GALNT2: variants seen among roughly 807,000 people sequenced by gnomAD.
The protein encoded by GALNT2 is polypeptide N-acetylgalactosaminyltransferase 2, also known as UDP-GalNAc:polypeptide N-acetylgalactosaminyltransferase 2.
GALNT2 carries 31 observed loss-of-function variants against 81.4 expected under a neutral mutation model. The ratio of observed to expected loss-of-function variants is 0.38; its 90% confidence interval spans 0.29 to 0.51. GALNT2 has a LOEUF of 0.51. Among genes scored for constraint, GALNT2 ranks in the 20% least tolerant of loss-of-function variants. GALNT2 has a pLI of 0.87. For missense variants in GALNT2, 629 were observed against 765.7 expected (o/e 0.82, Z 2.11); for synonymous variants, 303 against 287.4 (o/e 1.05, Z -0.55).
chr1:230,101,932 C>G (rs1304457743), intron 1 of GALNT2, among the ~76,000 whole-genome samples: 1 of 152,210 alleles, frequency 6.6e-6, no homozygotes, highest in African/African-American at 2.4e-5. Context: ...CTTTGCCAGA[C>G]AGAAGCACAA....
At chr1:230,111,541 T>C (rs1030715861) in intron 1 of GALNT2, among the ~76,000 whole-genome samples, 2 of 152,240 alleles carry the variant, frequency 1.3e-5, no homozygotes, top group African/African-American at 4.8e-5. Flanking sequence ...ACCCAAGTAG[T>C]CTTTCTCTTG....
At chr1:230,150,222 C>T (rs1056115793) in intron 1 of GALNT2, among the ~76,000 whole-genome samples, 5 of 152,316 alleles carry the variant, frequency 3.3e-5, no homozygotes, top group Admixed American at 1.3e-4. Flanking sequence ...GCAAAGCTGC[C>T]TACCTCCGTG....
intron 1 of GALNT2, among the ~76,000 whole-genome samples, chr1:230,089,967 A>T (rs1660016163): frequency 6.6e-6 from 1 of 152,206 alleles, no homozygotes; most frequent in Non-Finnish European, 1.5e-5. Flanking sequence ...AGGAACCTCC[A>T]TACTGCTTTC....
At position 230,236,126 on chromosome 1, in the gene GALNT2, A is replaced by G. The variant is rs772982503; in HGVS notation, c.473+14A>G. The G allele has an allele frequency of 1.9e-6, 3 of 1,609,830 alleles. No individual in the cohort carries two copies. Among genetic ancestry groups the G allele is most frequent in the African/African-American group, 2.7e-5 (2 of 74,782 alleles). On this transcript the variant is annotated intron_variant, in intron 4 of 15. Transcript: ENST00000366672. Reference sequence around the variant, plus strand: ...GACCGTGGTCAGGTGAGGCCAGGAGATGCATTACCTGTCAGGGGTGTTAAG... The same window carrying G: ...GACCGTGGTCAGGTGAGGCCAGGAGGTGCATTACCTGTCAGGGGTGTTAAG...
intron 2 of GALNT2, among the ~76,000 whole-genome samples, chr1:230,178,725 C>A (rs920238611): frequency 6.6e-6 from 1 of 152,052 alleles, no homozygotes; most frequent in Non-Finnish European, 1.5e-5. Context: ...TATCCCCCAA[C>A]AGAGTGGTAC....
chr1:230,067,956 C>G (rs1659250611), intron 1 of GALNT2, among the ~76,000 whole-genome samples: 1 of 152,118 alleles, frequency 6.6e-6, no homozygotes. Context: ...GGCGGCCGCT[C>G]CCGTGCCAAG....
intron 1 of GALNT2, among the ~76,000 whole-genome samples, chr1:230,148,764 T>C (rs1219558639): frequency 2.6e-5 from 4 of 151,984 alleles, no homozygotes; most frequent in Non-Finnish European, 5.9e-5. Flanking sequence ...TTTTTGTATT[T>C]TTAGTAGAGA....
intron 1 of GALNT2, among the ~76,000 whole-genome samples, chr1:230,109,437 G>A (rs990609856): frequency 4.9e-4 from 74 of 152,358 alleles, no homozygotes; most frequent in African/African-American, 1.7e-3. Flanking sequence ...TTGGGGGACA[G>A]AGGTCTGTCT....
At chr1:230,141,788 C>CTTTTTTTTTTTTTTTT (rs60824749) in intron 1 of GALNT2, among the ~76,000 whole-genome samples, 1 of 101,326 alleles carries the variant, frequency 9.9e-6, no homozygotes, top group Non-Finnish European at 1.9e-5. Flanking sequence ...TTTTGTTTTC[C>CTTTTTTTTTTTTTTTT]TTTTTTTTTT....
In GALNT2 at chr1:230,243,248, G is replaced by T; in HGVS notation, c.608-58G>T. The T allele has an allele frequency of 2.6e-6, 4 of 1,537,858 alleles. No individual in the cohort carries two copies. The highest frequency in any genetic ancestry group is 3.5e-6 in the Non-Finnish European group (4 of 1,144,568). The stretch of plus-strand genomic sequence containing the variant: ...AGGGAGGCGTCGCCGGTTGGCATGG[G>T]GTTGTGCTGGCCCTGTGGCTTCTCT... On this transcript the variant is annotated intron_variant, in intron 6 of 15. Transcript: ENST00000366672. The surrounding 1 kb of genome is among the most constrained non-coding windows in gnomAD (Gnocchi z 4.2).
chr1:230,091,369 C>T (rs890902453), intron 1 of GALNT2, among the ~76,000 whole-genome samples: 3 of 152,068 alleles, frequency 2.0e-5, no homozygotes, highest in Non-Finnish European at 4.4e-5. Context: ...CCATTGTGCC[C>T]GGTCCTCAGC....
intron 12 of GALNT2, 35 bp downstream of exon 12, chr1:230,262,700 G>T: frequency 2.0e-6 from 3 of 1,470,732 alleles, no homozygotes; most frequent in Non-Finnish European, 2.9e-6. Flanking sequence ...CAATTACTGG[G>T]GATTCTTGGG....
At chr1:230,179,859 A>G (rs1663103452) in intron 2 of GALNT2, among the ~76,000 whole-genome samples, 1 of 152,170 alleles carries the variant, frequency 6.6e-6, no homozygotes, top group South Asian at 2.1e-4. Context: ...AGTCTTCACC[A>G]TGACAAAAAG....
At chr1:230,192,020 T>C (rs6678450) in intron 2 of GALNT2, among the ~76,000 whole-genome samples, 77,651 of 152,146 alleles carry the variant, frequency 0.51, 20,203 homozygotes, top group Non-Finnish European at 0.57. Context: ...GTGATGCCAG[T>C]GTTTCAGAGA....
chr1:230,212,029 G>C (rs1354317562), intron 3 of GALNT2, among the ~76,000 whole-genome samples: 1 of 152,110 alleles, frequency 6.6e-6, no homozygotes, highest in African/African-American at 2.4e-5. Context: ...AGGATATCCC[G>C]GGGCCTCATA....
intron 1 of GALNT2, among the ~76,000 whole-genome samples, chr1:230,122,704 G>C (rs956009865): frequency 6.6e-6 from 1 of 152,088 alleles, no homozygotes; most frequent in Admixed American, 6.6e-5. Flanking sequence ...AAAGGTCTCA[G>C]CTATTATTAA....
intron 1 of GALNT2, among the ~76,000 whole-genome samples, chr1:230,094,343 G>T (rs1484767255): frequency 8.2e-3 from 1 of 122 alleles, no homozygotes; most frequent in Non-Finnish European, 0.021. Context: ...ATATGCTTTC[G>T]GCCGGGGTGG....
intron 3 of GALNT2, among the ~76,000 whole-genome samples, chr1:230,207,334 A>G (rs1664092659): frequency 1.3e-5 from 2 of 152,110 alleles, no homozygotes; most frequent in Admixed American, 1.3e-4. Flanking sequence ...AGGACTGGAA[A>G]ACTGCGATTA....
rs200118716 is a variant in GALNT2, at chr1:230,246,188, C to T, written c.817+38C>T. On this transcript the variant is annotated intron_variant, in intron 8 of 15. Transcript: ENST00000366672. The stretch of plus-strand genomic sequence containing the variant: ...CATGGTGCCCCTGCCTAGCTCGTCC[C>T]GTCTACACCAGCATCTGATCACCAC... 1.8e-4 allele frequency: 263 copies of T among 1,431,610 alleles called. No homozygotes were observed. In the East Asian group the frequency reaches 2.2e-3, roughly 12 times the overall value. The allele number at this position is 1,431,610 out of a possible 1,614,324, so 88.7% of individuals were successfully genotyped here. A position where few individuals can be genotyped will look rare whatever the true frequency, so the allele number is the denominator to read the frequency against.
Sources: allele counts gnomAD v4.1 joint callset (sites outside exome capture counted in the v4.1 genomes callset), GRCh38; gene constraint gnomAD v4.1.1; non-coding constraint Gnocchi (gnomAD v3.1); transcripts MANE v1.5; gene names NCBI Gene and HGNC (gene_info 2026-07-23, HGNC 2026-07-21).